The following PCSK5 variants were observed in gnomAD, a reference collection of about 807,000 sequenced individuals.
PCSK5 encodes the protein proprotein convertase subtilisin/kexin type 5.
PCSK5 carries 129 observed loss-of-function variants against 233.2 expected under a neutral mutation model. That is an observed-to-expected ratio of 0.55 (90% CI 0.48 to 0.64). PCSK5 has a LOEUF of 0.64. Among genes scored for constraint, PCSK5 ranks in the 30% least tolerant of loss-of-function variants. The pLI, the probability that PCSK5 is intolerant of heterozygous loss-of-function variation, is 0.00. For synonymous variants in PCSK5, 825 were observed against 879.2 expected, an observed-to-expected ratio of 0.94 and a Z score of 1.09; for missense variants, 2,076 against 2,430.1, an observed-to-expected ratio of 0.85 and a Z score of 3.06.
chr9:75,904,916 A>G (rs1826194356), intron 1 of PCSK5, among the ~76,000 whole-genome samples: 1 of 152,256 alleles, frequency 6.6e-6, no homozygotes, highest in African/African-American at 2.4e-5. Flanking sequence ...ATCAACGGAT[A>G]AATGGATACA....
At chr9:76,207,974 A>G (rs1451017262) in intron 20 of PCSK5, among the ~76,000 whole-genome samples, 1 of 152,176 alleles carries the variant, frequency 6.6e-6, no homozygotes, top group Non-Finnish European at 1.5e-5. Context: ...CCTTCTTGCT[A>G]TATCATAACA....
chr9:76,296,937 GT>G (rs962683756), intron 27 of PCSK5, 72 bp downstream of exon 27: 51 of 953,812 alleles, frequency 5.3e-5, no homozygotes, highest in Admixed American at 1.2e-4. Flanking sequence ...TATAACTCTG[GT>G]TTTTTTAGTT....
chr9:76,142,334 C>A (rs1823262713), intron 10 of PCSK5, among the ~76,000 whole-genome samples: 1 of 151,644 alleles, frequency 6.6e-6, no homozygotes, highest in Non-Finnish European at 1.5e-5. Flanking sequence ...TTTATGTGGA[C>A]AAATTATAAT....
At chr9:75,915,127 T>C (rs1462396909) in intron 1 of PCSK5, among the ~76,000 whole-genome samples, 1 of 152,158 alleles carries the variant, frequency 6.6e-6, no homozygotes, top group East Asian at 1.9e-4. Context: ...TGGGGAGGCA[T>C]GCATAGTGAT....
intron 14 of PCSK5, among the ~76,000 whole-genome samples, chr9:76,178,159 CAG>C (rs1823700149): frequency 6.6e-6 from 1 of 152,082 alleles, no homozygotes; most frequent in African/African-American, 2.4e-5. Flanking sequence ...CCATAGACAG[CAG>C]AGACACCACT....
In PCSK5 at chr9:76,338,414, G is replaced by A. The variant is rs2131496043; in HGVS notation, c.4933G>A (p.Glu1645Lys). Residue 1645 changes from glutamate to lysine, a missense_variant, in exon 35 of 38, where the codon GAG becomes AAG. Physicochemically the swap from Glu to Lys is moderately conservative, Grantham distance 56 (BLOSUM62 1). Transcript: ENST00000674117. ...TGTAGAGCAAAGCACACAGACCTGT[G>A]AGAGATGCCATCCGACTTGTGATCA... ...YYVEQSTQTC[E>K]RCHPTCDQCK... 1 of 1,612,418 alleles carries A rather than the reference G, an allele frequency of 6.2e-7. No homozygotes were observed. The highest frequency in any genetic ancestry group is 8.5e-7 in the Non-Finnish European group (1 of 1,179,544).
At chr9:76,332,700 C>T (rs1298994644) in intron 34 of PCSK5, 90 bp downstream of exon 34, 1 of 980,678 alleles carries the variant, frequency 1.0e-6, no homozygotes. Flanking sequence ...AGATTCAGAA[C>T]ACTTATAAAA....
In PCSK5 at chr9:76,264,678, C is replaced by T. The variant is rs557004344; in HGVS notation, c.3142+23994C>T. 3.3e-5 allele frequency among the ~76,000 whole-genome samples: 5 copies of T among 152,212 alleles called. 1 individual carries two copies. In the South Asian group the frequency reaches 1.0e-3, roughly 32 times the overall value. ...AAACAATTATCCACATCGCTAACAT[C>T]AGAGAAATGCAAATCAAAACGAAAA... is the stretch of plus-strand genomic sequence containing the variant. On this transcript the variant is annotated intron_variant, in intron 24 of 37. Coordinates refer to ENST00000674117, the MANE Select transcript of PCSK5 (RefSeq NM_001372043.1).
intron 1 of PCSK5, among the ~76,000 whole-genome samples, chr9:75,900,828 T>G (rs1825998871): frequency 6.6e-6 from 1 of 151,840 alleles, no homozygotes; most frequent in African/African-American, 2.4e-5. Flanking sequence ...GTATGTGAAT[T>G]TGTGTGTGTG....
chr9:75,974,647 G>A (rs760692876), intron 2 of PCSK5, among the ~76,000 whole-genome samples: 33 of 152,274 alleles, frequency 2.2e-4, no homozygotes, highest in Non-Finnish European at 3.7e-4. Context: ...TAAGGTTACA[G>A]TTCAGGAAAA....
intron 24 of PCSK5, among the ~76,000 whole-genome samples, chr9:76,264,279 C>A (rs1281956277): frequency 6.6e-6 from 1 of 152,120 alleles, no homozygotes; most frequent in Non-Finnish European, 1.5e-5. Flanking sequence ...AACTATACCC[C>A]TGTATTTCAC....
At chr9:76,201,300 C>G (rs990202259) in intron 20 of PCSK5, among the ~76,000 whole-genome samples, 1 of 152,156 alleles carries the variant, frequency 6.6e-6, no homozygotes, top group African/African-American at 2.4e-5. Context: ...ACAGTAACCC[C>G]CATATGCGGA....
chr9:75,985,458 A>C (rs1826468866), intron 2 of PCSK5, among the ~76,000 whole-genome samples: 1 of 152,094 alleles, frequency 6.6e-6, no homozygotes, highest in Non-Finnish European at 1.5e-5. Context: ...GGTTTTTCTA[A>C]TTCTCCAAAT....
At chr9:76,085,888 G>A (rs1831044131) in intron 7 of PCSK5, among the ~76,000 whole-genome samples, 1 of 152,146 alleles carries the variant, frequency 6.6e-6, no homozygotes, top group African/African-American at 2.4e-5. Flanking sequence ...TTCCATTATT[G>A]CTGGAATATC....
chr9:76,251,292 G>A lies in PCSK5; in HGVS notation c.3142+10608G>A, dbSNP rs182984608. Among the ~76,000 whole-genome samples, 366 of 152,012 alleles carry A rather than the reference G, an allele frequency of 2.4e-3. 2 individuals are homozygous for A. The highest frequency in any genetic ancestry group is 8.1e-3 in the African/African-American group (337 of 41,456). On this transcript the variant is annotated intron_variant, in intron 24 of 37. Coordinates refer to ENST00000674117, the MANE Select transcript of PCSK5 (RefSeq NM_001372043.1). ...TAAAGAAAGAAAGAAGGCCAGGCGC[G>A]GTGGCTCACGCCTGTAATCCCAGCA...
chr9:76,229,149 C>G (rs1024349863), intron 21 of PCSK5, among the ~76,000 whole-genome samples: 1 of 152,182 alleles, frequency 6.6e-6, no homozygotes, highest in Non-Finnish European at 1.5e-5. Context: ...ATAACTATGC[C>G]TCTAAATATT....
At chr9:76,051,609 AC>A (rs1348329322) in intron 5 of PCSK5, among the ~76,000 whole-genome samples, 2 of 151,970 alleles carry the variant, frequency 1.3e-5, no homozygotes, top group African/African-American at 2.4e-5. Context: ...CAAAAAAAAA[AC>A]AACAACAACA....
intron 12 of PCSK5, among the ~76,000 whole-genome samples, chr9:76,159,816 C>CTTTTTT (rs386415165): frequency 1.3e-4 from 13 of 97,586 alleles, no homozygotes; most frequent in Non-Finnish European, 2.2e-4. Context: ...CTCTTCAGTC[C>CTTTTTT]TTTTTTTTTT....
Position 75,965,261 on chromosome 9 carries a change from ATG to A in PCSK5, c.298-20842_298-20841del, listed in dbSNP as rs71372035. 9.1e-3 allele frequency among the ~76,000 whole-genome samples: 1,365 copies of A among 149,714 alleles called. 9 individuals are homozygous for A. The highest frequency in any genetic ancestry group is 0.02 in the African/African-American group (825 of 40,612). ...ATCCTATATATGTGTATGTGTGTAT[ATG>A]TGTGTGTGTGTGTGTGTGTGTGTGT... On this transcript the variant is annotated intron_variant, in intron 2 of 37. Transcript: ENST00000674117.
Sources: allele counts gnomAD v4.1 joint callset (sites outside exome capture counted in the v4.1 genomes callset), GRCh38; gene constraint gnomAD v4.1.1; transcripts MANE v1.5; gene names NCBI Gene and HGNC (gene_info 2026-07-23, HGNC 2026-07-21).